NSD1: variants seen among roughly 807,000 people sequenced by gnomAD.
The protein encoded by NSD1 is nuclear receptor binding SET domain protein 1.
NSD1 carries 26 observed loss-of-function variants against 242.7 expected under a neutral mutation model. The observed-to-expected ratio is 0.11, with a 90% CI of 0.08 to 0.15. The LOEUF (loss-of-function observed/expected upper bound fraction) is 0.15, where lower values mean the gene tolerates loss of function less well. Among genes scored for constraint, NSD1 ranks in the 10% least tolerant of loss-of-function variants. NSD1 has a pLI of 1.00. For missense variants in NSD1, 2,495 were observed against 3,272.8 expected (o/e 0.76, Z 5.80); for synonymous variants, 1,106 against 1,178.1 (o/e 0.94, Z 1.25).
At chr5:177,192,687 A>G (rs1398269765) in intron 3 of NSD1, among the ~76,000 whole-genome samples, 1 of 152,094 alleles carries the variant, frequency 6.6e-6, no homozygotes, top group Admixed American at 6.6e-5. Context: ...TGAGCCCTGC[A>G]CCAGGCCTAA....
intron 17 of NSD1, among the ~76,000 whole-genome samples, chr5:177,274,475 C>T (rs1259840803): frequency 6.6e-6 from 1 of 151,996 alleles, no homozygotes; most frequent in African/African-American, 2.4e-5. Context: ...ACTTTTGCAC[C>T]AACCTAATAT....
At chr5:177,293,002 T>G (rs922687785) in intron 22 of NSD1, among the ~76,000 whole-genome samples, 1 of 152,174 alleles carries the variant, frequency 6.6e-6, no homozygotes, top group Non-Finnish European at 1.5e-5. Context: ...CACTGTATAT[T>G]GGCCAGGGTC....
At chr5:177,251,988 G>A (rs568275744) in intron 12 of NSD1, 135 bp downstream of exon 12, 73 of 1,093,990 alleles carry the variant, frequency 6.7e-5, no homozygotes, top group Non-Finnish European at 9.0e-5. Flanking sequence ...GTGCTGTGGG[G>A]TCACTGCTTT....
chr5:177,163,454 C>A (rs1028753884), intron 2 of NSD1, among the ~76,000 whole-genome samples: 1 of 151,996 alleles, frequency 6.6e-6, no homozygotes, highest in Non-Finnish European at 1.5e-5. Context: ...AAATTTCTTA[C>A]GTAGAAAGGC....
At chr5:177,177,341 C>T (rs551651686) in intron 2 of NSD1, among the ~76,000 whole-genome samples, 5 of 151,922 alleles carry the variant, frequency 3.3e-5, no homozygotes, top group Non-Finnish European at 5.9e-5. Flanking sequence ...CTGGTGAAAC[C>T]CCCTCTCTAC....
At position 177,294,673 on chromosome 5, in the gene NSD1, AG is replaced by A; in HGVS notation, c.7306del (p.Glu2436LysfsTer4). The stretch of plus-strand genomic sequence containing the variant: ...CTGTGGTCCAGACCCTTGTAGCTAA[AG>A]AAAAAGCACTGAGGCCTGTGGACCA... Reference protein sequence around the residue: ...SAVVQTLVAKEKALRPVDQNT... With the variant: ...SAVVQTLVAKXKALRPVDQNT... On this transcript the variant is annotated frameshift_variant, in exon 23 of 23. Transcript: ENST00000439151. LOFTEE classifies it high-confidence loss of function. 6.2e-7 allele frequency: 1 copy of A among 1,614,266 alleles called. No individual in the cohort carries two copies. The highest frequency in any genetic ancestry group is 8.5e-7 in the Non-Finnish European group (1 of 1,180,050).
rs773700700 is a variant in NSD1, at chr5:177,293,793, CT to C, written c.6464-33del. ...GCCTTGGCCCATGTGATATGTATCTCTTTTTTCCTAAACTTTTGATTTACTT... is the reference window on the plus strand; with the variant it reads ...GCCTTGGCCCATGTGATATGTATCTCTTTTTCCTAAACTTTTGATTTACTT... On this transcript the variant is annotated intron_variant, in intron 22 of 22. Coordinates refer to ENST00000439151, the MANE Select transcript of NSD1 (RefSeq NM_022455.5). 6 of 1,611,268 alleles carry C rather than the reference CT, an allele frequency of 3.7e-6. No individual in the cohort carries two copies. In the African/African-American group the frequency reaches 6.7e-5, roughly 18 times the overall value.
intron 2 of NSD1, among the ~76,000 whole-genome samples, chr5:177,160,134 G>T (rs1003518502): frequency 1.4e-4 from 21 of 151,954 alleles, no homozygotes. Flanking sequence ...CAGGTGATGT[G>T]CCTGCCTCCG....
chr5:177,166,214 C>T lies in NSD1; in HGVS notation c.928-25670C>T, dbSNP rs148030299. On this transcript the variant is annotated intron_variant, in intron 2 of 22. Transcript: ENST00000439151. Reference sequence around the variant, plus strand: ...AGGCATGAGCCACCGCGCCTGGCCTCCCAGCCCACATTCTTGATAATTTTC... The same window carrying T: ...AGGCATGAGCCACCGCGCCTGGCCTTCCAGCCCACATTCTTGATAATTTTC... 3.7e-3 allele frequency among the ~76,000 whole-genome samples: 566 copies of T among 152,050 alleles called. 4 individuals carry two copies. Among genetic ancestry groups the T allele is most frequent in the African/African-American group, 0.013 (528 of 41,524 alleles).
intron 12 of NSD1, among the ~76,000 whole-genome samples, chr5:177,253,064 G>T (rs765925486): frequency 1.3e-5 from 2 of 152,074 alleles, no homozygotes; most frequent in African/African-American, 4.8e-5. Flanking sequence ...ATCTGTAGGG[G>T]CAGATGCAGC....
At chr5:177,288,458 C>T (rs1456361866) in intron 20 of NSD1, 2 of 298,746 alleles carry the variant, frequency 6.7e-6, no homozygotes, top group Non-Finnish European at 1.3e-5. Context: ...AGGTTTTCCT[C>T]ATACTTGTAT....
intron 3 of NSD1, among the ~76,000 whole-genome samples, chr5:177,202,170 GAA>G (rs199735386): frequency 2.1e-4 from 29 of 140,862 alleles, no homozygotes; most frequent in Admixed American, 3.6e-4. Context: ...CTCCGTCTCA[GAA>G]AAAAAAAAAA....
intron 10 of NSD1, 69 bp downstream of exon 10, chr5:177,246,865 C>T (rs1766340917): frequency 2.7e-6 from 3 of 1,100,726 alleles, no homozygotes; most frequent in East Asian, 2.4e-5. Flanking sequence ...GGCCACATCC[C>T]TCTTTCCCTT....
chr5:177,223,442 A>C (rs1764396863), intron 5 of NSD1, among the ~76,000 whole-genome samples: 1 of 151,900 alleles, frequency 6.6e-6, no homozygotes, highest in Admixed American at 6.6e-5. Flanking sequence ...ATGTGGTAGC[A>C]GATGCCTGTA....
intron 16 of NSD1, among the ~76,000 whole-genome samples, chr5:177,270,463 C>T (rs1369828871): frequency 2.0e-5 from 3 of 152,108 alleles, no homozygotes; most frequent in African/African-American, 4.8e-5. Flanking sequence ...ATTGGTATCC[C>T]CTTAGTGGTA....
rs749903285 is a variant in NSD1, at chr5:177,135,497, T to C, written c.394T>C (p.Cys132Arg). The stretch of plus-strand genomic sequence containing the variant: ...ACTTGCTATGAAACAGGAACCCTCT[T>C]GTAATAACTCCCCTGAACTCCAGGT... ...TALAMKQEPS[C>R]NNSPELQVKV... The change falls in exon 2 of 23, where the codon TGT becomes CGT. Residue 132 changes from cysteine to arginine, a missense_variant. Coordinates refer to ENST00000439151, the MANE Select transcript of NSD1 (RefSeq NM_022455.5). 1.9e-6 allele frequency: 3 copies of C among 1,614,088 alleles called. No homozygotes were observed. In the African/African-American group the frequency reaches 4.0e-5, roughly 22 times the overall value.
chr5:177,187,771 G>C (rs1446393779), intron 2 of NSD1, among the ~76,000 whole-genome samples: 4 of 152,046 alleles, frequency 2.6e-5, no homozygotes, highest in Non-Finnish European at 5.9e-5. Flanking sequence ...CATTTTATTA[G>C]GAAACAGTTG....
intron 2 of NSD1, among the ~76,000 whole-genome samples, chr5:177,147,155 G>A (rs1472003445): frequency 1.3e-5 from 2 of 152,118 alleles, no homozygotes; most frequent in East Asian, 3.9e-4. Context: ...GCCCAGGCTG[G>A]AGTGCAGTAG....
intron 3 of NSD1, among the ~76,000 whole-genome samples, chr5:177,198,112 T>TGCTCCAGG (rs1248871833): frequency 1.3e-5 from 2 of 152,122 alleles, no homozygotes; most frequent in Non-Finnish European, 2.9e-5. Flanking sequence ...CAGGCTCCAG[T>TGCTCCAGG]GCTCCAGGGC....
Sources: gnomAD v4.1 joint callset for allele counts (sites outside exome capture counted in the v4.1 genomes callset) on GRCh38, gnomAD v4.1.1 for gene constraint, MANE v1.5 for transcripts, NCBI Gene and HGNC (gene_info 2026-07-23, HGNC 2026-07-21) for gene names.